MDGA2: variants seen among roughly 807,000 people sequenced by gnomAD.
The protein encoded by MDGA2 is MAM domain-containing glycosylphosphatidylinositol anchor protein 2.
Under a neutral mutation model 117.8 loss-of-function variants are expected in MDGA2, and 40 were observed. The ratio of observed to expected loss-of-function variants is 0.34; its 90% CI spans 0.26 to 0.44. The LOEUF (loss-of-function observed/expected upper bound fraction) is 0.44, where lower values mean the gene tolerates loss of function less well. Ranked by LOEUF, MDGA2 falls within the 20% of genes least tolerant of loss-of-function variation. The pLI is 1.00. For missense variants in MDGA2, 1,123 were observed against 1,250.6 expected, an observed-to-expected ratio of 0.90 and a Z score of 1.54; for synonymous variants, 452 against 439.0, an observed-to-expected ratio of 1.03 and a Z score of -0.37.
chr14:47,315,249 C>A (rs191913305), intron 1 of MDGA2, among the ~76,000 whole-genome samples: 1 of 152,194 alleles, frequency 6.6e-6, no homozygotes. Flanking sequence ...CTATCTGGAT[C>A]CACTATATTT....
chr14:47,423,726 C>T (rs1892626700), intron 1 of MDGA2, among the ~76,000 whole-genome samples: 1 of 152,122 alleles, frequency 6.6e-6, no homozygotes, highest in Non-Finnish European at 1.5e-5. Flanking sequence ...TTTCTAGTGA[C>T]TAAGATTGTT....
intron 1 of MDGA2, among the ~76,000 whole-genome samples, chr14:47,574,449 C>T (rs1896078887): frequency 1.3e-5 from 2 of 152,164 alleles, no homozygotes; most frequent in Non-Finnish European, 2.9e-5. Flanking sequence ...TATATTCCAA[C>T]TCTGTATTTC....
chr14:46,964,268 G>T lies in MDGA2; in HGVS notation c.1820-6625C>A, dbSNP rs532404128. On this transcript the variant is annotated intron_variant, in intron 8 of 16. Coordinates refer to ENST00000399232, the MANE Select transcript of MDGA2 (RefSeq NM_001113498.3). Reference sequence around the variant, plus strand: ...ATCTTGGACATTAGAGACCAGATCAGCTATCCACTGTTAGAATTACTATGA... The same window carrying T: ...ATCTTGGACATTAGAGACCAGATCATCTATCCACTGTTAGAATTACTATGA... Among the ~76,000 whole-genome samples the T allele has an allele frequency of 3.3e-5, 5 of 152,236 alleles. No homozygotes were observed. The East Asian group carries it at 9.6e-4, about 29-fold the overall frequency.
chr14:47,091,652 A>AT lies in MDGA2; in HGVS notation c.1195+5201dup, dbSNP rs548463908. Among the ~76,000 whole-genome samples the AT allele has an allele frequency of 1.8e-3, 273 of 151,674 alleles. 3 individuals carry two copies. The highest frequency in any genetic ancestry group is 0.015 in the South Asian group (72 of 4,786). On this transcript the variant is annotated intron_variant, in intron 6 of 16. Coordinates refer to ENST00000399232, the MANE Select transcript of MDGA2 (RefSeq NM_001113498.3). ...GGAGGAATCTGATCAGGATAATGAG[A>AT]TTTTTTTTTGTTATTTCTGAGTGCA...
chr14:47,124,809 G>A (rs1881818307), intron 5 of MDGA2, among the ~76,000 whole-genome samples: 1 of 152,046 alleles, frequency 6.6e-6, no homozygotes, highest in Non-Finnish European at 1.5e-5. Context: ...AAGGTTATAT[G>A]AAGACACAGC....
intron 7 of MDGA2, among the ~76,000 whole-genome samples, chr14:47,053,642 T>TACACACACACACACACAC (rs1889547940): frequency 2.4e-5 from 1 of 42,370 alleles, no homozygotes; most frequent in Non-Finnish European, 5.0e-5. Context: ...TATATATATA[T>TACACACACACACACACAC]ATATATATAT....
chr14:47,277,058 A>G (rs1279369649), intron 2 of MDGA2, among the ~76,000 whole-genome samples: 1 of 152,116 alleles, frequency 6.6e-6, no homozygotes, highest in Non-Finnish European at 1.5e-5. Flanking sequence ...TCAAATCTAC[A>G]AGGGACAGCG....
chr14:47,269,961 T>C (rs1888092905), intron 2 of MDGA2, among the ~76,000 whole-genome samples: 1 of 152,162 alleles, frequency 6.6e-6, no homozygotes, highest in Non-Finnish European at 1.5e-5. Flanking sequence ...GATTATTACA[T>C]TATGACTTGA....
intron 1 of MDGA2, among the ~76,000 whole-genome samples, chr14:47,320,120 G>C (rs1356265503): frequency 6.6e-6 from 1 of 152,166 alleles, no homozygotes; most frequent in Non-Finnish European, 1.5e-5. Flanking sequence ...TGGACACCTT[G>C]ATCTTGGACT....
At chr14:47,224,941 C>A (rs1266337747) in intron 2 of MDGA2, among the ~76,000 whole-genome samples, 2 of 152,160 alleles carry the variant, frequency 1.3e-5, no homozygotes, top group Non-Finnish European at 2.9e-5. Context: ...TGGCACAGAA[C>A]TCTAGAGCAT....
At chr14:47,654,308 T>C (rs1051575677) in intron 1 of MDGA2, among the ~76,000 whole-genome samples, 1 of 152,128 alleles carries the variant, frequency 6.6e-6, no homozygotes, top group Non-Finnish European at 1.5e-5. Flanking sequence ...CAGGTTCCTA[T>C]GGACACTAGG....
At chr14:47,271,581 G>A (rs1316079149) in intron 2 of MDGA2, among the ~76,000 whole-genome samples, 1 of 152,116 alleles carries the variant, frequency 6.6e-6, no homozygotes, top group Non-Finnish European at 1.5e-5. Flanking sequence ...AACAGCAGTA[G>A]GAATGATAAA....
Position 47,248,651 on chromosome 14 carries a change from A to G in MDGA2, c.421-30456T>C, listed in dbSNP as rs1887332745. Among the ~76,000 whole-genome samples, 2 of 152,138 alleles carry G rather than the reference A, an allele frequency of 1.3e-5. 1 individual carries two copies. The highest frequency in any genetic ancestry group is 2.9e-5 in the Non-Finnish European group (2 of 68,004). ...GTCTGGGTTTTGTTTATTTTTGTTCAGCTTGGTTTGCTTTATTTTTTAATA... is the reference window on the plus strand; with the variant it reads ...GTCTGGGTTTTGTTTATTTTTGTTCGGCTTGGTTTGCTTTATTTTTTAATA... On this transcript the variant is annotated intron_variant, in intron 2 of 16. Coordinates refer to ENST00000399232, the MANE Select transcript of MDGA2 (RefSeq NM_001113498.3).
At chr14:47,165,020 A>G (rs957597693) in intron 3 of MDGA2, among the ~76,000 whole-genome samples, 1 of 151,984 alleles carries the variant, frequency 6.6e-6, no homozygotes, top group Non-Finnish European at 1.5e-5. Flanking sequence ...CAAACGCCAC[A>G]TGTTCTCACT....
At chr14:47,665,679 C>T (rs1363294086) in intron 1 of MDGA2, among the ~76,000 whole-genome samples, 1 of 152,178 alleles carries the variant, frequency 6.6e-6, no homozygotes, top group African/African-American at 2.4e-5. Context: ...CCTGGGCCAG[C>T]AGCTGTGGAG....
chr14:46,954,455 C>T (rs1014605386), intron 9 of MDGA2, among the ~76,000 whole-genome samples: 1 of 152,028 alleles, frequency 6.6e-6, no homozygotes, highest in African/African-American at 2.4e-5. Flanking sequence ...AGTCTGAAGG[C>T]CAGGAGTCTG....
At chr14:47,377,071 A>T (rs1891495118) in intron 1 of MDGA2, among the ~76,000 whole-genome samples, 1 of 152,184 alleles carries the variant, frequency 6.6e-6, no homozygotes, top group African/African-American at 2.4e-5. Context: ...ATTAACATTA[A>T]AAAGCTGTGG....
intron 2 of MDGA2, among the ~76,000 whole-genome samples, chr14:47,273,273 T>G (rs2139709387): frequency 6.6e-6 from 1 of 152,276 alleles, no homozygotes; most frequent in Non-Finnish European, 1.5e-5. Context: ...TGTCAAATTA[T>G]ATTCTGATAT....
intron 1 of MDGA2, among the ~76,000 whole-genome samples, chr14:47,384,654 T>G (rs1355632502): frequency 1.3e-5 from 2 of 152,124 alleles, no homozygotes; most frequent in African/African-American, 4.8e-5. Context: ...GCCATCCAAA[T>G]CACTGCTCCT....
Sources: allele counts gnomAD v4.1 joint callset (sites outside exome capture counted in the v4.1 genomes callset), GRCh38; gene constraint gnomAD v4.1.1; transcripts MANE v1.5; gene names NCBI Gene and HGNC (gene_info 2026-07-23, HGNC 2026-07-21).